Variants in PTPN14 observed in about 807,000 individuals in gnomAD.
PTPN14 encodes the protein protein tyrosine phosphatase non-receptor type 14, also known as tyrosine-protein phosphatase non-receptor type 14.
PTPN14 carries 53 observed loss-of-function variants against 126.8 expected under a neutral mutation model. The ratio of observed to expected loss-of-function variants is 0.42; its 90% CI spans 0.34 to 0.53. The LOEUF (loss-of-function observed/expected upper bound fraction) is 0.53. Ranked by LOEUF, PTPN14 falls within the 20% of genes least tolerant of loss-of-function variation. The probability of loss-of-function intolerance (pLI) is 0.08; values close to 1 mark genes in which losing one functional copy is unlikely to be tolerated. For missense variants in PTPN14, 1,257 were observed against 1,552.9 expected, an observed-to-expected ratio of 0.81 and a Z score of 3.20; for synonymous variants, 630 against 599.3, an observed-to-expected ratio of 1.05 and a Z score of -0.75.
chr1:214,362,257 T>C (rs562202906), intron 18 of PTPN14, among the ~76,000 whole-genome samples: 2 of 152,240 alleles, frequency 1.3e-5, no homozygotes, highest in African/African-American at 4.8e-5. Context: ...CCATGGGAAA[T>C]AGGACAGATA....
chr1:214,363,685 G>A (rs184305089), intron 18 of PTPN14, among the ~76,000 whole-genome samples: 22 of 152,268 alleles, frequency 1.4e-4, no homozygotes, highest in Admixed American at 7.8e-4. Flanking sequence ...CTGGGCCTCA[G>A]TTTCCTCTTC....
In PTPN14 at chr1:214,363,986, G is replaced by A. The variant is rs149439045; in HGVS notation, c.3435+526C>T. Among the ~76,000 whole-genome samples, 325 of 152,282 alleles carry A rather than the reference G, an allele frequency of 2.1e-3. 1 individual carries two copies. The highest frequency in any genetic ancestry group is 7.9e-3 in the East Asian group (41 of 5,174). On this transcript the variant is annotated intron_variant, in intron 18 of 18. Coordinates refer to ENST00000366956, the MANE Select transcript of PTPN14 (RefSeq NM_005401.5). ...CTGATGCAAAGACGGGGATGTTTGC[G>A]TGCTCAAAGTATCTACTCTGCTCCG...
intron 1 of PTPN14, among the ~76,000 whole-genome samples, chr1:214,514,948 G>A (rs189544905): frequency 1.2e-4 from 18 of 152,226 alleles, no homozygotes; most frequent in African/African-American, 3.9e-4. Flanking sequence ...TTGTTCGGTC[G>A]CCTGGCAGCT....
At chr1:214,456,324 ATTACATATT>A (rs962563745) in intron 2 of PTPN14, among the ~76,000 whole-genome samples, 27 of 152,224 alleles carry the variant, frequency 1.8e-4, no homozygotes, top group Non-Finnish European at 3.2e-4. Flanking sequence ...AAATATATGA[ATTACATATT>A]ATACAAGCAC....
intron 1 of PTPN14, among the ~76,000 whole-genome samples, chr1:214,492,901 GAAA>G (rs966703560): frequency 1.2e-5 from 1 of 84,880 alleles, no homozygotes; most frequent in East Asian, 3.2e-4. Context: ...CTGTCTCAAA[GAAA>G]AAAAAAAAAA....
intron 16 of PTPN14, among the ~76,000 whole-genome samples, chr1:214,371,192 G>A (rs912672536): frequency 2.6e-5 from 4 of 151,962 alleles, no homozygotes; most frequent in Admixed American, 2.0e-4. Context: ...TCCCTCAGAG[G>A]GTCCTTGGCC....
intron 3 of PTPN14, among the ~76,000 whole-genome samples, chr1:214,421,579 G>A (rs1198972470): frequency 6.6e-6 from 1 of 152,132 alleles, no homozygotes; most frequent in East Asian, 1.9e-4. Context: ...TTTACATTAT[G>A]TGGATTTTAG....
chr1:214,481,822 A>G (rs946809061), intron 1 of PTPN14, among the ~76,000 whole-genome samples: 1 of 151,796 alleles, frequency 6.6e-6, no homozygotes, highest in African/African-American at 2.4e-5. Flanking sequence ...CATCTCTACT[A>G]AAAATACAAA....
intron 4 of PTPN14, among the ~76,000 whole-genome samples, chr1:214,413,098 A>G (rs1659346205): frequency 6.6e-6 from 1 of 152,074 alleles, no homozygotes. Flanking sequence ...GGTGGTCTCA[A>G]ACTCCTGGTT....
rs1404670485 is a variant in PTPN14 at position 214,348,760 on chromosome 1, G to T, written c.*9162C>A. 2 of 152,058 alleles carry T rather than the reference G, an allele frequency of 1.3e-5. No individual in the cohort carries two copies. Among genetic ancestry groups the T allele is most frequent in the African/African-American group, 4.8e-5 (2 of 41,390 alleles). The allele number at this position is 152,058 out of a possible 1,614,324, so 9.4% of individuals were successfully genotyped here. On this transcript the variant is annotated 3_prime_UTR_variant, in exon 19 of 19. Coordinates refer to ENST00000366956, the MANE Select transcript of PTPN14 (RefSeq NM_005401.5). ...TCAATAGATATCTTTTACAAAAAAA[G>T]GTTAGAATAAAGATCTCACATTTGT...
chr1:214,490,733 A>G (rs1474006584), intron 1 of PTPN14, among the ~76,000 whole-genome samples: 2 of 149,966 alleles, frequency 1.3e-5, no homozygotes, highest in Non-Finnish European at 3.0e-5. Context: ...GCTACTTCGG[A>G]GGCTACAGCA....
intron 2 of PTPN14, among the ~76,000 whole-genome samples, chr1:214,460,512 C>T (rs1183719710): frequency 2.5e-5 from 3 of 120,756 alleles, no homozygotes; most frequent in African/African-American, 9.6e-5. Context: ...TCTGCCTTTC[C>T]CTGAAAATTC....
chr1:214,527,722 A>C (rs561148326), intron 1 of PTPN14, among the ~76,000 whole-genome samples: 8 of 152,336 alleles, frequency 5.3e-5, no homozygotes, highest in African/African-American at 1.9e-4. Flanking sequence ...TGAGGAACAC[A>C]TGCCTAGTCA....
rs1048987289 is a variant in PTPN14 at position 214,364,773 on chromosome 1, G to A, written c.3272-98C>T. 1.6e-6 allele frequency: 1 copy of A among 624,738 alleles called. No individual in the cohort carries two copies. Among genetic ancestry groups the A allele is most frequent in the Non-Finnish European group, 2.6e-6 (1 of 384,604 alleles). The allele number at this position is 624,738 out of a possible 1,614,324, so 38.7% of individuals were successfully genotyped here. A position where few individuals can be genotyped will look rare whatever the true frequency, so the allele number is the denominator to read the frequency against. ...GGAAGAGAACTGATGGTGAGTGTGT[G>A]TGTGTGTGTGTGTGTGTGTGTGTGT... On this transcript the variant is annotated intron_variant, in intron 17 of 18. Transcript: ENST00000366956. The surrounding 1 kb of genome is among the most constrained non-coding windows in gnomAD (Gnocchi z 4.1).
At chr1:214,519,787 C>A (rs1040360282) in intron 1 of PTPN14, among the ~76,000 whole-genome samples, 2 of 151,898 alleles carry the variant, frequency 1.3e-5, no homozygotes, top group African/African-American at 2.4e-5. Flanking sequence ...TCGTGGCTCA[C>A]GCTTGTCATC....
chr1:214,490,332 G>A (rs1661201957), intron 1 of PTPN14, among the ~76,000 whole-genome samples: 1 of 152,216 alleles, frequency 6.6e-6, no homozygotes, highest in Admixed American at 6.5e-5. Context: ...TAAAGCAGCT[G>A]TTGCTGTTAA....
chr1:214,465,848 TATTAAC>T (rs1660621663), intron 1 of PTPN14, among the ~76,000 whole-genome samples: 1 of 142,364 alleles, frequency 7.0e-6, no homozygotes, highest in South Asian at 2.3e-4. Context: ...TCTTTACTCT[TATTAAC>T]ATTATTTACT....
chr1:214,392,448 G>A (rs1047172458), intron 10 of PTPN14, among the ~76,000 whole-genome samples: 1 of 152,122 alleles, frequency 6.6e-6, no homozygotes, highest in Non-Finnish European at 1.5e-5. Context: ...CTGAGCTGTG[G>A]TTAAATCAGA....
At chr1:214,368,700 TG>T (rs1358899636) in intron 17 of PTPN14, among the ~76,000 whole-genome samples, 2 of 152,034 alleles carry the variant, frequency 1.3e-5, no homozygotes, top group Non-Finnish European at 2.9e-5. Flanking sequence ...ATGTAATTCC[TG>T]GCTGGGCACA....
Sources: gnomAD v4.1 joint callset for allele counts (sites outside exome capture counted in the v4.1 genomes callset) on GRCh38, gnomAD v4.1.1 for gene constraint, Gnocchi (gnomAD v3.1) non-coding constraint, MANE v1.5 for transcripts, NCBI Gene and HGNC (gene_info 2026-07-23, HGNC 2026-07-21) for gene names.